PIK3C2A: variants seen among roughly 807,000 people sequenced by gnomAD.
PIK3C2A encodes the protein phosphatidylinositol-4-phosphate 3-kinase catalytic subunit type 2 alpha, also known as phosphatidylinositol 4-phosphate 3-kinase C2 domain-containing subunit alpha.
In PIK3C2A, 97 loss-of-function variants were observed where a neutral mutation model predicts 204.5. That is an observed-to-expected ratio of 0.47 (90% confidence interval 0.40 to 0.56). PIK3C2A has a LOEUF of 0.56. PIK3C2A is among the 20% of genes least tolerant of loss of function. PIK3C2A has a pLI of 0.00. For missense variants in PIK3C2A, 1,735 were observed against 1,969.2 expected (o/e 0.88, Z 2.25); for synonymous variants, 653 against 664.4 (o/e 0.98, Z 0.26).
At chr11:17,186,504 A>T (rs1396378338) in intron 1 of PIK3C2A, among the ~76,000 whole-genome samples, 1 of 152,240 alleles carries the variant, frequency 6.6e-6, no homozygotes, top group Non-Finnish European at 1.5e-5. Flanking sequence ...GAACAAAAAT[A>T]TCACATTCAA....
At chr11:17,138,384 G>A (rs1467990501) in intron 8 of PIK3C2A, 1 of 386,976 alleles carries the variant, frequency 2.6e-6, no homozygotes, top group Non-Finnish European at 4.9e-6. Flanking sequence ...ACTACCTCTA[G>A]CTGCACCCTC....
intron 8 of PIK3C2A, among the ~76,000 whole-genome samples, chr11:17,143,972 G>A (rs367740245): frequency 8.6e-5 from 13 of 151,960 alleles, no homozygotes; most frequent in African/African-American, 2.9e-4. Context: ...AAAATCCAGG[G>A]GTGTGGTTTT....
At chr11:17,203,490 G>A (rs1852458052) in intron 1 of PIK3C2A, among the ~76,000 whole-genome samples, 1 of 152,100 alleles carries the variant, frequency 6.6e-6, no homozygotes. Context: ...ATAATCCTAT[G>A]AACAACCTGA....
At chr11:17,120,960 C>G (rs1320877128) in intron 15 of PIK3C2A, among the ~76,000 whole-genome samples, 1 of 152,096 alleles carries the variant, frequency 6.6e-6, no homozygotes, top group South Asian at 2.1e-4. Context: ...CAGGCATGTG[C>G]CACCATCTCA....
At position 17,189,511 on chromosome 11, in the gene PIK3C2A, A is replaced by C. The variant is rs1851868303; in HGVS notation, c.-66+18337T>G. 1.4e-5 allele frequency among the ~76,000 whole-genome samples: 2 copies of C among 146,218 alleles called. 1 individual carries two copies. The highest frequency in any genetic ancestry group is 5.6e-5 in the African/African-American group (2 of 35,932). On this transcript the variant is annotated intron_variant, in intron 1 of 32. Coordinates refer to ENST00000691414, the MANE Select transcript of PIK3C2A (RefSeq NM_002645.4). ...AGGCCTGTAATCCCAGATACTCAGG[A>C]GACTGAGGCTGGAGAATTGCTTGAA...
chr11:17,116,642 TATA>T (rs1443004276), intron 19 of PIK3C2A, among the ~76,000 whole-genome samples: 1 of 151,532 alleles, frequency 6.6e-6, no homozygotes, highest in African/African-American at 2.4e-5. Flanking sequence ...CAGGCTGGAG[TATA>T]GTGGCTCGAT....
At position 17,155,642 on chromosome 11, in the gene PIK3C2A, A is replaced by T; in HGVS notation, c.1066-13T>A. 6.7e-7 allele frequency: 1 copy of T among 1,493,716 alleles called. No homozygotes were observed. Among genetic ancestry groups the T allele is most frequent in the Non-Finnish European group, 9.3e-7 (1 of 1,074,312 alleles). 92.5% of individuals were successfully genotyped at this position (1,493,716 alleles called of 1,614,324 possible). On this transcript the variant is annotated splice_polypyrimidine_tract_variant and intron_variant, in intron 2 of 32. Coordinates refer to ENST00000691414, the MANE Select transcript of PIK3C2A (RefSeq NM_002645.4). ...CATTTGGGTCTTTCTGTAATTAAAA[A>T]AGTGTTTTTATTTTAAAAGTGGAAG...
chr11:17,087,496 G>A lies in PIK3C2A; in HGVS notation c.*2242C>T, dbSNP rs1848188873. The A allele has an allele frequency of 6.6e-6, 1 of 152,134 alleles. No homozygotes were observed. Among genetic ancestry groups the A allele is most frequent in the Non-Finnish European group, 1.5e-5 (1 of 68,000 alleles). The allele number at this position is 152,134 out of a possible 1,614,324, so 9.4% of individuals were successfully genotyped here. ...AGTATTATAATATACACTTAGATATGAATCCAGATTTCTTATAATGGAAGT... is the reference window on the plus strand; with the variant it reads ...AGTATTATAATATACACTTAGATATAAATCCAGATTTCTTATAATGGAAGT... On this transcript the variant is annotated 3_prime_UTR_variant, in exon 33 of 33. Transcript: ENST00000691414.
At chr11:17,152,217 C>G (rs963267285) in intron 3 of PIK3C2A, among the ~76,000 whole-genome samples, 1 of 152,004 alleles carries the variant, frequency 6.6e-6, no homozygotes, top group African/African-American at 2.4e-5. Flanking sequence ...ATTTTTGTTA[C>G]GTATATTTTA....
intron 1 of PIK3C2A, among the ~76,000 whole-genome samples, chr11:17,181,056 G>GTTTACTTATTACTGACTTATTAT (rs1851532943): frequency 6.6e-6 from 1 of 152,096 alleles, no homozygotes; most frequent in African/African-American, 2.4e-5. Context: ...AAAGGGAAGA[G>GTTTACTTATTACTGACTTATTAT]ATGCATAGGG....
chr11:17,155,729 C>T (rs1850569882), intron 2 of PIK3C2A, 100 bp from the exon 3 acceptor site: 1 of 597,640 alleles, frequency 1.7e-6, no homozygotes, highest in Admixed American at 2.8e-5. Context: ...ATGTACAAAG[C>T]AATGGAGGTA....
At chr11:17,146,379 C>T (rs1372042132) in intron 6 of PIK3C2A, among the ~76,000 whole-genome samples, 1 of 152,134 alleles carries the variant, frequency 6.6e-6, no homozygotes, top group Non-Finnish European at 1.5e-5. Flanking sequence ...AAGGTACTCG[C>T]TCTTCTACCC....
chr11:17,109,472 AAGAT>A (rs1406388128), intron 22 of PIK3C2A, among the ~76,000 whole-genome samples: 1 of 152,266 alleles, frequency 6.6e-6, no homozygotes. Context: ...AATAAATAGT[AAGAT>A]AGAAATCTGC....
At chr11:17,111,941 T>C (rs1406821588) in intron 21 of PIK3C2A, among the ~76,000 whole-genome samples, 1 of 148,844 alleles carries the variant, frequency 6.7e-6, no homozygotes, top group Non-Finnish European at 1.5e-5. Context: ...AATTCTTGTA[T>C]TCAAAACAGA....
chr11:17,179,213 G>A (rs1325171777), intron 1 of PIK3C2A, among the ~76,000 whole-genome samples: 3 of 152,108 alleles, frequency 2.0e-5, no homozygotes, highest in African/African-American at 7.2e-5. Context: ...GCAGGCTGAA[G>A]TGCAGCGGCT....
intron 13 of PIK3C2A, among the ~76,000 whole-genome samples, chr11:17,125,684 C>T (rs1226920476): frequency 6.6e-6 from 1 of 152,016 alleles, no homozygotes; most frequent in Admixed American, 6.6e-5. Context: ...CTGGCTATAA[C>T]TTTTTTGTAT....
chr11:17,136,477 CTCACA>C lies in PIK3C2A; in HGVS notation c.1848_1848+4del. 6.2e-7 allele frequency: 1 copy of C among 1,602,970 alleles called. No individual in the cohort carries two copies. Among genetic ancestry groups the C allele is most frequent in the Non-Finnish European group, 8.5e-7 (1 of 1,172,066 alleles). The stretch of plus-strand genomic sequence containing the variant: ...AATAAAATCCTAGTTACCAAAAATA[CTCACA>C]TCAGCAGTTTTACTCCTTGGAAGAT... On this transcript the variant is annotated splice_donor_variant and splice_donor_region_variant and coding_sequence_variant and intron_variant, in exon 9 of 33. Transcript: ENST00000691414. LOFTEE classifies it high-confidence loss of function.
chr11:17,155,521 C>A lies in PIK3C2A; in HGVS notation c.1169+5G>T. 1 of 1,506,306 alleles carries A rather than the reference C, an allele frequency of 6.6e-7. No homozygotes were observed. The highest frequency in any genetic ancestry group is 2.3e-5 in the East Asian group (1 of 44,018). The allele number at this position is 1,506,306 out of a possible 1,614,324, so 93.3% of individuals were successfully genotyped here. On this transcript the variant is annotated splice_donor_5th_base_variant and intron_variant, in intron 3 of 32. Transcript: ENST00000691414. ...AATGAACATTTATAAAGAAAAATTC[C>A]TTACTTTGTAATGGATCGACAAAAA...
At chr11:17,129,158 T>C (rs1337775789) in intron 13 of PIK3C2A, 142 bp downstream of exon 13, 5 of 631,340 alleles carry the variant, frequency 7.9e-6, no homozygotes, top group Non-Finnish European at 1.1e-5. Context: ...GTCTCTGAAC[T>C]GACCTCCTTT....
Sources: allele counts gnomAD v4.1 joint callset (sites outside exome capture counted in the v4.1 genomes callset), GRCh38; gene constraint gnomAD v4.1.1; transcripts MANE v1.5; gene names NCBI Gene and HGNC (gene_info 2026-07-23, HGNC 2026-07-21).